Variants in BIVM observed in about 807,000 individuals in gnomAD.
BIVM encodes basic, immunoglobulin-like variable motif containing, also known as basic immunoglobulin-like variable motif-containing protein.
BIVM carries 31 observed loss-of-function variants against 61.4 expected under a neutral mutation model. The ratio of observed to expected loss-of-function variants is 0.51; its 90% CI spans 0.38 to 0.68. BIVM has a LOEUF of 0.68. Ranked by LOEUF, BIVM falls within the 30% of genes least tolerant of loss-of-function variation. BIVM has a pLI of 0.00. For synonymous variants in BIVM, 189 were observed against 210.7 expected, an observed-to-expected ratio of 0.90 and a Z score of 0.89; for missense variants, 526 against 596.0, an observed-to-expected ratio of 0.88 and a Z score of 1.22.
intron 9 of BIVM, among the ~76,000 whole-genome samples, chr13:102,837,655 C>T (rs1172011224): frequency 6.6e-6 from 1 of 152,172 alleles, no homozygotes; most frequent in African/African-American, 2.4e-5. Flanking sequence ...AACCTAAGTG[C>T]CCATCAACCA....
intron 3 of BIVM, among the ~76,000 whole-genome samples, chr13:102,809,753 T>C (rs1001849011): frequency 9.2e-5 from 14 of 151,898 alleles, no homozygotes; most frequent in African/African-American, 3.4e-4. Flanking sequence ...ATCATCACTA[T>C]TCATCTCCAA....
At chr13:102,821,159 C>A in intron 5 of BIVM, 27 bp downstream of exon 5, 1 of 1,573,346 alleles carries the variant, frequency 6.4e-7, no homozygotes, top group Non-Finnish European at 8.6e-7. Flanking sequence ...ATCAGTACCC[C>A]CAAACTCCAA....
At chr13:102,810,013 T>G (rs1045911771) in intron 3 of BIVM, among the ~76,000 whole-genome samples, 2 of 152,124 alleles carry the variant, frequency 1.3e-5, no homozygotes, top group African/African-American at 4.8e-5. Context: ...GACCTCGTGA[T>G]CCGCCCGCCT....
In BIVM at chr13:102,840,929, T is replaced by A. The variant is rs1648354805; in HGVS notation, c.*1064T>A. ...CTGTGAAATGAGATCTCCTGATATT[T>A]GATTGCTTTCTCAGTATGGAGTCAT... On this transcript the variant is annotated 3_prime_UTR_variant, in exon 11 of 11. Transcript: ENST00000257336. 1 of 152,402 alleles carries A rather than the reference T, an allele frequency of 6.6e-6. No individual in the cohort carries two copies. The highest frequency in any genetic ancestry group is 1.5e-5 in the Non-Finnish European group (1 of 68,032). The allele number at this position is 152,402 out of a possible 1,614,324, so 9.4% of individuals were successfully genotyped here.
intron 1 of BIVM, among the ~76,000 whole-genome samples, chr13:102,803,692 C>G (rs1053177523): frequency 1.3e-5 from 2 of 152,012 alleles, no homozygotes; most frequent in Non-Finnish European, 2.9e-5. Flanking sequence ...TCTATTGCCT[C>G]TCACCGAGAC....
At chr13:102,800,075 A>G (rs1595319432) in intron 1 of BIVM, among the ~76,000 whole-genome samples, 1 of 151,538 alleles carries the variant, frequency 6.6e-6, no homozygotes, top group Non-Finnish European at 1.5e-5. Context: ...TGCCCCGAAA[A>G]CCCAGAAGAG....
chr13:102,837,422 T>C (rs988373865), intron 9 of BIVM, among the ~76,000 whole-genome samples: 4 of 152,204 alleles, frequency 2.6e-5, no homozygotes, highest in South Asian at 2.1e-4. Context: ...TTATTAAACA[T>C]TTTTTCTCTA....
chr13:102,827,020 T>G (rs1880718101), intron 7 of BIVM, among the ~76,000 whole-genome samples: 1 of 152,188 alleles, frequency 6.6e-6, no homozygotes, highest in Non-Finnish European at 1.5e-5. Flanking sequence ...TGGAGAGAGT[T>G]GACTTAGGAA....
At chr13:102,811,490 G>A (rs953091016) in intron 3 of BIVM, among the ~76,000 whole-genome samples, 2 of 152,142 alleles carry the variant, frequency 1.3e-5, no homozygotes, top group South Asian at 2.1e-4. Flanking sequence ...TGCTTCTCTT[G>A]TGTTGCTTTT....
chr13:102,804,883 A>T (rs1220542078), intron 1 of BIVM, among the ~76,000 whole-genome samples: 1 of 152,338 alleles, frequency 6.6e-6, no homozygotes, highest in Non-Finnish European at 1.5e-5. Flanking sequence ...AAAGCCATGC[A>T]GTACCTTTGC....
At chr13:102,818,501 C>G (rs945956505) in intron 4 of BIVM, among the ~76,000 whole-genome samples, 9 of 152,124 alleles carry the variant, frequency 5.9e-5, no homozygotes, top group African/African-American at 2.2e-4. Context: ...ATTTTAGTTT[C>G]TTTGAAAAGA....
Position 102,816,451 on chromosome 13 carries a change from A to C in BIVM, c.502A>C (p.Lys168Gln). ...KSGNAKKQVS[K>Q]RKTSDKKGRY... ...AGGCAATGCAAAGAAACAAGTTTCC[A>C]AGAGAAAAACTTCAGATAAAAAGGG... Residue 168 changes from lysine (K) to glutamine (Q), a missense_variant, in exon 4 of 11, where the codon AAG becomes CAG. Physicochemically the swap from Lys to Gln is moderately conservative, Grantham distance 53. Around this residue, in one of 3 missense-constraint regions of BIVM, gnomAD observed 312 missense variants for 343.8 expected, o/e 0.91. Coordinates refer to ENST00000257336, the MANE Select transcript of BIVM (RefSeq NM_017693.4). 1 of 1,585,834 alleles carries C rather than the reference A, an allele frequency of 6.3e-7. No homozygotes were observed. The highest frequency in any genetic ancestry group is 1.2e-5 in the South Asian group (1 of 85,632).
chr13:102,802,844 C>T (rs762890508), intron 1 of BIVM, among the ~76,000 whole-genome samples: 1 of 150,412 alleles, frequency 6.6e-6, no homozygotes, highest in Non-Finnish European at 1.5e-5. Context: ...CTCCTGGCCT[C>T]AAGTGATTCT....
intron 3 of BIVM, among the ~76,000 whole-genome samples, chr13:102,809,240 C>T (rs917657719): frequency 9.9e-5 from 15 of 152,172 alleles, no homozygotes; most frequent in African/African-American, 3.6e-4. Context: ...GAAATATTTT[C>T]TAATTTCCTT....
chr13:102,809,879 G>A (rs1249651047), intron 3 of BIVM, among the ~76,000 whole-genome samples: 2 of 150,484 alleles, frequency 1.3e-5, no homozygotes, highest in East Asian at 2.0e-4. Flanking sequence ...TCCGCCTCCC[G>A]GGTTCACACC....
At chr13:102,823,618 CTG>C (rs1350446365) in intron 7 of BIVM, among the ~76,000 whole-genome samples, 1 of 152,134 alleles carries the variant, frequency 6.6e-6, no homozygotes, top group Non-Finnish European at 1.5e-5. Context: ...TCTAGTGAGA[CTG>C]TCACCACACT....
At chr13:102,838,761 T>C (rs2140504799) in intron 10 of BIVM, 22 bp downstream of exon 10, 2 of 1,601,310 alleles carry the variant, frequency 1.2e-6, no homozygotes, top group South Asian at 1.1e-5. Context: ...ACCATTGTGT[T>C]TGAAGGCATT....
intron 7 of BIVM, among the ~76,000 whole-genome samples, chr13:102,829,829 G>T (rs1880941921): frequency 6.6e-6 from 1 of 151,776 alleles, no homozygotes; most frequent in East Asian, 1.9e-4. Context: ...ACAGAGCAAG[G>T]CCCTGTCTCA....
chr13:102,839,828 G>C lies in BIVM; in HGVS notation c.1475G>C (p.Gly492Ala), dbSNP rs148535072. Residue 492 changes from glycine to alanine, a missense_variant, in exon 11 of 11, where the codon GGT (glycine) becomes GCT (alanine). This residue lies in a region of BIVM where 210 missense variants were observed against 233.1 expected (regional missense o/e 0.90). Transcript: ENST00000257336. ...AGTATCCATGAGAGAAGGAACAGTG[G>C]TTACCAGGGTTACAGTGATTACGAT... ...MSSIHERRNS[G>A]YQGYSDYDGN... is the part of the protein sequence containing the mutation. The C allele has an allele frequency of 3.2e-5, 52 of 1,613,468 alleles. No individual in the cohort carries two copies. The African/African-American group carries it at 6.0e-4, about 19-fold the overall frequency.
Sources: allele counts gnomAD v4.1 joint callset (sites outside exome capture counted in the v4.1 genomes callset), GRCh38; gene constraint gnomAD v4.1.1; regional missense constraint gnomAD v4.1.1; transcripts MANE v1.5; gene names NCBI Gene and HGNC (gene_info 2026-07-23, HGNC 2026-07-21).